Variants in TMEM178B observed in about 807,000 individuals in gnomAD.
TMEM178B encodes transmembrane protein 178B.
TMEM178B carries 5 observed loss-of-function variants against 31.0 expected under a neutral mutation model. The ratio of observed to expected loss-of-function variants is 0.16; its 90% CI spans 0.08 to 0.34. TMEM178B has a LOEUF of 0.34. TMEM178B is among the 10% of genes least tolerant of loss of function. TMEM178B has a pLI of 1.00. For missense variants in TMEM178B, 275 were observed against 400.3 expected (o/e 0.69, Z 2.67); for synonymous variants, 164 against 164.0 (o/e 1.00, Z 0.00).
chr7:141,340,311 G>C (rs1315740966), intron 2 of TMEM178B, among the ~76,000 whole-genome samples: 1 of 152,108 alleles, frequency 6.6e-6, no homozygotes, highest in African/African-American at 2.4e-5. Flanking sequence ...TAAGATAATC[G>C]GTTTGTGTTG....
At chr7:141,430,639 C>A (rs1354536738) in intron 2 of TMEM178B, among the ~76,000 whole-genome samples, 1 of 152,082 alleles carries the variant, frequency 6.6e-6, no homozygotes, top group South Asian at 2.1e-4. Context: ...GAATTAAAAC[C>A]CCCACTTCCT....
intron 2 of TMEM178B, among the ~76,000 whole-genome samples, chr7:141,287,561 C>T (rs1726572299): frequency 6.6e-6 from 1 of 152,196 alleles, no homozygotes; most frequent in South Asian, 2.1e-4. Context: ...CTTCCATATA[C>T]TCAGGAGCCA....
At chr7:141,154,254 G>T (rs530987083) in intron 1 of TMEM178B, among the ~76,000 whole-genome samples, 1 of 152,344 alleles carries the variant, frequency 6.6e-6, no homozygotes. Context: ...ATGGCTTTCT[G>T]CCTAAAGGAA....
In TMEM178B at chr7:141,344,618, TCCTTCCTTCCTC is replaced by T. The variant is rs1235469411; in HGVS notation, c.497-92980_497-92969del. ...TTCCTTCCTTCCTTCCTTCCTTCCT[TCCTTCCTTCCTC>T]CCTTCCTTCTTCCCTTCATCAAAAG... On this transcript the variant is annotated intron_variant, in intron 2 of 3. Transcript: ENST00000565468. The surrounding 1 kb of genome is among the most constrained non-coding windows in gnomAD (Gnocchi z 4.1). Among the ~76,000 whole-genome samples, 2 of 147,154 alleles carry T rather than the reference TCCTTCCTTCCTC, an allele frequency of 1.4e-5. No individual in the cohort carries two copies. Among genetic ancestry groups the T allele is most frequent in the Admixed American group, 1.4e-4 (2 of 14,804 alleles).
At chr7:141,305,993 T>C (rs1798809688) in intron 2 of TMEM178B, among the ~76,000 whole-genome samples, 1 of 152,192 alleles carries the variant, frequency 6.6e-6, no homozygotes, top group South Asian at 2.1e-4. Flanking sequence ...TCTGGTCTCT[T>C]GAAATACTCT....
intron 3 of TMEM178B, among the ~76,000 whole-genome samples, chr7:141,445,088 C>T (rs1321403904): frequency 6.6e-6 from 1 of 152,138 alleles, no homozygotes; most frequent in Non-Finnish European, 1.5e-5. Flanking sequence ...TATACCTTCC[C>T]AGTCAGTCAG....
chr7:141,403,809 A>T (rs916155457), intron 2 of TMEM178B, among the ~76,000 whole-genome samples: 1 of 152,314 alleles, frequency 6.6e-6, no homozygotes, highest in African/African-American at 2.4e-5. Context: ...GTTATTACAG[A>T]CACAAATTTC....
intron 1 of TMEM178B, among the ~76,000 whole-genome samples, chr7:141,118,215 C>G (rs55996934): frequency 2.6e-5 from 4 of 152,084 alleles, no homozygotes; most frequent in African/African-American, 9.7e-5. Context: ...AAGGCTGATT[C>G]CTGGATTTAG....
intron 1 of TMEM178B, among the ~76,000 whole-genome samples, chr7:141,148,599 A>C (rs1451337913): frequency 6.6e-6 from 1 of 152,240 alleles, no homozygotes; most frequent in Non-Finnish European, 1.5e-5. Flanking sequence ...AAGATTGAAA[A>C]ATGCCTATTG....
intron 2 of TMEM178B, among the ~76,000 whole-genome samples, chr7:141,213,486 C>T (rs1797080816): frequency 6.6e-6 from 1 of 152,192 alleles, no homozygotes; most frequent in Non-Finnish European, 1.5e-5. Flanking sequence ...TTCATGCTGC[C>T]TCTGTTGATT....
intron 2 of TMEM178B, among the ~76,000 whole-genome samples, chr7:141,409,544 A>G (rs974384696): frequency 6.6e-6 from 1 of 152,166 alleles, no homozygotes; most frequent in African/African-American, 2.4e-5. Context: ...AGTGCTCCAC[A>G]CATATTTGGT....
chr7:141,221,979 C>T (rs1318881680), intron 2 of TMEM178B, among the ~76,000 whole-genome samples: 1 of 152,154 alleles, frequency 6.6e-6, no homozygotes, highest in Non-Finnish European at 1.5e-5. Flanking sequence ...TCTGTAAGAC[C>T]TTTAACACAT....
Position 141,074,415 on chromosome 7 carries a change from C to T in TMEM178B, c.105C>T (p.Asp35=). 6.5e-7 allele frequency: 1 copy of T among 1,536,140 alleles called. No individual in the cohort carries two copies. The highest frequency in any genetic ancestry group is 1.2e-5 in the South Asian group (1 of 84,070). ...GCTCGGACCACTGGTACGAGACGGACGCCAGGAAGCACAGGGACAGGTGCA... is the reference window on the plus strand; with the variant it reads ...GCTCGGACCACTGGTACGAGACGGATGCCAGGAAGCACAGGGACAGGTGCA... ...AICSDHWYET[D]ARKHRDRCKA... Residue 35 remains aspartate (D), a synonymous_variant, in exon 1 of 4, where the codon GAC becomes GAT. Coordinates refer to ENST00000565468, the MANE Select transcript of TMEM178B (RefSeq NM_001195278.2). The surrounding 1 kb of genome is among the most constrained non-coding windows in gnomAD (Gnocchi z 5.1).
chr7:141,388,534 C>G (rs1309366330), intron 2 of TMEM178B, among the ~76,000 whole-genome samples: 2 of 152,098 alleles, frequency 1.3e-5, no homozygotes, highest in South Asian at 2.1e-4. Flanking sequence ...TGTTTTGCTC[C>G]CCTCCCTCAG....
At chr7:141,389,878 C>T (rs369627280) in intron 2 of TMEM178B, among the ~76,000 whole-genome samples, 3 of 152,092 alleles carry the variant, frequency 2.0e-5, no homozygotes, top group South Asian at 4.2e-4. Flanking sequence ...ATGAGCACCT[C>T]GAAGGTCTGC....
chr7:141,290,015 G>A (rs1798519523), intron 2 of TMEM178B, among the ~76,000 whole-genome samples: 1 of 152,112 alleles, frequency 6.6e-6, no homozygotes, highest in Non-Finnish European at 1.5e-5. Context: ...AGAAGAAATG[G>A]AACAAGGCAG....
intron 2 of TMEM178B, among the ~76,000 whole-genome samples, chr7:141,324,581 A>C (rs756446095): frequency 2.0e-5 from 3 of 151,814 alleles, no homozygotes; most frequent in Non-Finnish European, 4.4e-5. Context: ...GGGATGCAGC[A>C]TCCCATGCCT....
chr7:141,300,509 C>G (rs1318397756), intron 2 of TMEM178B, among the ~76,000 whole-genome samples: 45 of 152,282 alleles, frequency 3.0e-4, no homozygotes, highest in Non-Finnish European at 4.4e-5. Context: ...CCACCCCTCT[C>G]TCTGATGAAA....
chr7:141,474,710 A>G lies in TMEM178B; in HGVS notation c.*3924A>G, dbSNP rs188841717. On this transcript the variant is annotated 3_prime_UTR_variant, in exon 4 of 4. Transcript: ENST00000565468. ...TCCTAGGACTCTGAGACTGGGCCCTATATCTCAATATTCATCCACACTCAT... is the reference window on the plus strand; with the variant it reads ...TCCTAGGACTCTGAGACTGGGCCCTGTATCTCAATATTCATCCACACTCAT... 5 of 152,328 alleles carry G rather than the reference A, an allele frequency of 3.3e-5. No individual in the cohort carries two copies. Among genetic ancestry groups the G allele is most frequent in the Admixed American group, 2.0e-4 (3 of 15,306 alleles). The allele number at this position is 152,328 out of a possible 1,614,324, so 9.4% of individuals were successfully genotyped here.
Sources: gnomAD v4.1 joint callset for allele counts (sites outside exome capture counted in the v4.1 genomes callset) on GRCh38, gnomAD v4.1.1 for gene constraint, Gnocchi (gnomAD v3.1) non-coding constraint, MANE v1.5 for transcripts, NCBI Gene and HGNC (gene_info 2026-07-23, HGNC 2026-07-21) for gene names.